Variants in ANO10 observed in about 807,000 individuals in gnomAD.
ANO10 encodes the protein anoctamin 10.
ANO10 carries 77 observed loss-of-function variants against 74.7 expected under a neutral mutation model. That is an observed-to-expected ratio of 1.03 (90% CI 0.86 to 1.25). The LOEUF is 1.25. ANO10 is among the 50% of genes most tolerant of loss of function. The pLI is 0.00. For missense variants in ANO10, 721 were observed against 778.1 expected, an observed-to-expected ratio of 0.93 and a Z score of 0.87; for synonymous variants, 279 against 284.9, an observed-to-expected ratio of 0.98 and a Z score of 0.21.
chr3:43,690,847 C>G, intron 1 of ANO10: 2 of 800,672 alleles, frequency 2.5e-6, no homozygotes, highest in Non-Finnish European at 3.5e-6. Flanking sequence ...CGCGCAAACG[C>G]GGGCGCGCCG....
intron 11 of ANO10, among the ~76,000 whole-genome samples, chr3:43,532,034 G>GA (rs2078493037): frequency 6.6e-6 from 1 of 152,176 alleles, no homozygotes; most frequent in Non-Finnish European, 1.5e-5. Flanking sequence ...GCATCCTGCT[G>GA]ATTCATCTGC....
At chr3:43,533,418 A>C (rs1034353326) in intron 11 of ANO10, among the ~76,000 whole-genome samples, 4 of 152,194 alleles carry the variant, frequency 2.6e-5, no homozygotes, top group African/African-American at 2.4e-5. Flanking sequence ...AACACTCGAA[A>C]GCTCCCTAAT....
rs571018268 is a variant in ANO10 at position 43,646,368 on chromosome 3, CT to C, written c.-11-40506del. Among the ~76,000 whole-genome samples the C allele has an allele frequency of 4.8e-4, 73 of 152,316 alleles. 1 individual carries two copies. The highest frequency in any genetic ancestry group is 1.7e-3 in the African/African-American group (70 of 41,568). ...GAGTAGACCAAGGGCACACTTCTGC[CT>C]GCTACCTGTCCTGATCCTTGTATAT... On this transcript the variant is annotated intron_variant, in intron 1 of 3. Transcript: ENST00000413397.
At chr3:43,636,574 G>T (rs982418240) in intron 1 of ANO10, 5 of 152,194 alleles carry the variant, frequency 3.3e-5, no homozygotes, top group African/African-American at 1.2e-4. Context: ...GCTATACAGA[G>T]AGGATTGAAA....
At chr3:43,376,446 T>A (rs1332178601) in intron 12 of ANO10, among the ~76,000 whole-genome samples, 1 of 152,086 alleles carries the variant, frequency 6.6e-6, no homozygotes, top group Non-Finnish European at 1.5e-5. Flanking sequence ...TAATTATAAA[T>A]AAAAAGAATC....
At chr3:43,458,588 C>T (rs569141006) in intron 11 of ANO10, among the ~76,000 whole-genome samples, 2 of 152,176 alleles carry the variant, frequency 1.3e-5, no homozygotes, top group Non-Finnish European at 2.9e-5. Context: ...AATGAAGACA[C>T]CATAGACAAG....
At chr3:43,475,772 T>C (rs1000456829) in intron 11 of ANO10, among the ~76,000 whole-genome samples, 1 of 152,230 alleles carries the variant, frequency 6.6e-6, no homozygotes, top group South Asian at 2.1e-4. Flanking sequence ...CAAAGTTTTT[T>C]TTATTTTTTA....
intron 1 of ANO10, among the ~76,000 whole-genome samples, chr3:43,683,975 C>G (rs1263989998): frequency 6.6e-6 from 1 of 152,134 alleles, no homozygotes; most frequent in Non-Finnish European, 1.5e-5. Flanking sequence ...ACCATAAAAA[C>G]CCTAGAAGAA....
At chr3:43,670,118 T>A (rs2084040104) in intron 1 of ANO10, among the ~76,000 whole-genome samples, 1 of 151,990 alleles carries the variant, frequency 6.6e-6, no homozygotes, top group African/African-American at 2.4e-5. Flanking sequence ...TTTGGGAGGC[T>A]AAGGTAGGAA....
chr3:43,424,620 G>T (rs1013192016), intron 12 of ANO10: 3 of 152,170 alleles, frequency 2.0e-5, no homozygotes, highest in African/African-American at 7.2e-5. Flanking sequence ...AGACAGCTTT[G>T]ACTCACTGTG....
chr3:43,613,688 G>A (rs1043481104), intron 1 of ANO10, among the ~76,000 whole-genome samples: 2 of 152,070 alleles, frequency 1.3e-5, no homozygotes, highest in Non-Finnish European at 1.5e-5. Context: ...AGCTGGTGGG[G>A]GCGAATATTA....
At chr3:43,525,307 C>A (rs922419608) in intron 11 of ANO10, among the ~76,000 whole-genome samples, 2 of 152,110 alleles carry the variant, frequency 1.3e-5, no homozygotes, top group African/African-American at 4.8e-5. Context: ...GTCCCTCATC[C>A]CCATCTCTCA....
At chr3:43,658,521 G>A (rs2083883461) in intron 1 of ANO10, among the ~76,000 whole-genome samples, 1 of 151,970 alleles carries the variant, frequency 6.6e-6, no homozygotes, top group African/African-American at 2.4e-5. Flanking sequence ...CCGGGCTGGA[G>A]TGCAGTGGTG....
chr3:43,598,437 A>G, intron 4 of ANO10, 95 bp downstream of exon 4: 1 of 1,225,210 alleles, frequency 8.2e-7, no homozygotes, highest in African/African-American at 1.5e-5. Context: ...AGTTATTGTA[A>G]GTTTGTGTAA....
rs1023311193 is a variant in ANO10 at position 43,533,109 on chromosome 3, G to GA, written c.1797+16610dup. Among the ~76,000 whole-genome samples, 277 of 151,972 alleles carry GA rather than the reference G, an allele frequency of 1.8e-3. 1 individual carries two copies. The highest frequency in any genetic ancestry group is 6.3e-3 in the African/African-American group (262 of 41,464). ...TCAAACAAGAAATGAGCTGTTAGCA[G>GA]AAAAAAAATGGTAGCACATTTCAGA... On this transcript the variant is annotated intron_variant, in intron 11 of 12. Transcript: ENST00000292246.
chr3:43,685,367 T>G (rs1422450387), intron 1 of ANO10, among the ~76,000 whole-genome samples: 1 of 152,262 alleles, frequency 6.6e-6, no homozygotes, highest in African/African-American at 2.4e-5. Context: ...CATATTAGTA[T>G]ATATACATCT....
At chr3:43,384,720 T>G (rs1361370285) in intron 12 of ANO10, among the ~76,000 whole-genome samples, 1 of 152,218 alleles carries the variant, frequency 6.6e-6, no homozygotes, top group East Asian at 1.9e-4. Context: ...TAGCCACATG[T>G]AGAAGAATGA....
intron 12 of ANO10, among the ~76,000 whole-genome samples, chr3:43,385,074 G>GA (rs1305608035): frequency 1.3e-5 from 2 of 151,004 alleles, no homozygotes; most frequent in Non-Finnish European, 3.0e-5. Context: ...AAATCAGCAA[G>GA]AAAAAAAACA....
At chr3:43,549,671 A>T (rs779303896) in intron 11 of ANO10, 49 bp downstream of exon 11, 3 of 1,607,036 alleles carry the variant, frequency 1.9e-6, no homozygotes, top group South Asian at 2.2e-5. Context: ...TTTGGAATAG[A>T]GAAACGTAAT....
Sources: allele counts gnomAD v4.1 joint callset (sites outside exome capture counted in the v4.1 genomes callset), GRCh38; gene constraint gnomAD v4.1.1; transcripts MANE v1.5; gene names NCBI Gene and HGNC (gene_info 2026-07-23, HGNC 2026-07-21).